Variants in SLC30A9 observed in about 807,000 individuals in gnomAD.
SLC30A9 encodes solute carrier family 30 member 9.
In SLC30A9, 58 loss-of-function variants were observed where a neutral mutation model predicts 87.5. The ratio of observed to expected loss-of-function variants is 0.66; its 90% CI spans 0.54 to 0.82. SLC30A9 has a LOEUF of 0.82. Ranked by LOEUF, SLC30A9 falls within the 40% of genes least tolerant of loss-of-function variation. The pLI, the probability that SLC30A9 is intolerant of heterozygous loss-of-function variation, is 0.00. For missense variants in SLC30A9, 557 were observed against 679.1 expected, an observed-to-expected ratio of 0.82 and a Z score of 2.00; for synonymous variants, 234 against 233.0, an observed-to-expected ratio of 1.00 and a Z score of -0.04.
At chr4:42,073,192 G>A (rs1057316884) in intron 15 of SLC30A9, among the ~76,000 whole-genome samples, 1 of 152,152 alleles carries the variant, frequency 6.6e-6, no homozygotes, top group African/African-American at 2.4e-5. Context: ...AAGTATCGAA[G>A]TCTCTAGTTA....
At chr4:42,043,981 C>T (rs1037786198) in intron 8 of SLC30A9, among the ~76,000 whole-genome samples, 5 of 151,748 alleles carry the variant, frequency 3.3e-5, no homozygotes, top group Admixed American at 2.0e-4. Context: ...GCTTCATAAG[C>T]GAAGGAGAAG....
intron 9 of SLC30A9, among the ~76,000 whole-genome samples, chr4:42,052,777 A>G (rs1031924602): frequency 6.6e-6 from 1 of 152,242 alleles, no homozygotes; most frequent in Non-Finnish European, 1.5e-5. Flanking sequence ...AACTATGAAG[A>G]TTCTAGAAGA....
At chr4:42,038,692 A>T (rs1716790217) in intron 7 of SLC30A9, among the ~76,000 whole-genome samples, 1 of 152,258 alleles carries the variant, frequency 6.6e-6, no homozygotes, top group Admixed American at 6.5e-5. Flanking sequence ...ATTTCAGCAC[A>T]GTGCATTTTT....
At chr4:42,043,335 G>T (rs900583887) in intron 8 of SLC30A9, among the ~76,000 whole-genome samples, 1 of 152,068 alleles carries the variant, frequency 6.6e-6, no homozygotes, top group Non-Finnish European at 1.5e-5. Context: ...AAAGGTAAGA[G>T]AAATTGCTAA....
intron 9 of SLC30A9, among the ~76,000 whole-genome samples, chr4:42,058,100 C>CAA (rs35993518): frequency 4.9e-4 from 54 of 109,748 alleles, no homozygotes; most frequent in African/African-American, 1.5e-3. Context: ...GACTTTGTCT[C>CAA]AAAAAAAAAA....
intron 6 of SLC30A9, among the ~76,000 whole-genome samples, chr4:42,033,187 A>G (rs1398493042): frequency 1.3e-5 from 2 of 152,188 alleles, no homozygotes; most frequent in African/African-American, 4.8e-5. Context: ...TTTTTATTTT[A>G]TAATTGCCTA....
chr4:42,086,116 A>G lies in SLC30A9; in HGVS notation c.1697A>G (p.Glu566Gly). Residue 566 changes from glutamate (E) to glycine (G), a missense_variant, in exon 18 of 18, where the codon GAG (glutamate) becomes GGG (glycine). By Grantham distance (98) the Glu-to-Gly change is moderately conservative (BLOSUM62 -2). Around this residue, in one of 2 missense-constraint regions of SLC30A9, gnomAD observed 90 missense variants for 149.4 expected, o/e 0.60. Transcript: ENST00000264451. ...RNPEVRHVDL[E>G]IL ...CCTGAAGTTCGACATGTAGATTTGGAGATACTGTGAGTTTGATGGAATGAA... is the reference window on the plus strand; with the variant it reads ...CCTGAAGTTCGACATGTAGATTTGGGGATACTGTGAGTTTGATGGAATGAA... 1 of 1,523,150 alleles carries G rather than the reference A, an allele frequency of 6.6e-7. No individual in the cohort carries two copies. The highest frequency in any genetic ancestry group is 8.9e-7 in the Non-Finnish European group (1 of 1,121,952). The allele number at this position is 1,523,150 out of a possible 1,614,324, so 94.4% of individuals were successfully genotyped here.
chr4:42,018,856 C>T (rs1331171931), intron 3 of SLC30A9, among the ~76,000 whole-genome samples: 2 of 151,968 alleles, frequency 1.3e-5, no homozygotes, highest in African/African-American at 4.8e-5. Flanking sequence ...TTATAGCAGC[C>T]ATCATTATCA....
chr4:42,076,840 T>C (rs1348959654), intron 16 of SLC30A9, among the ~76,000 whole-genome samples: 1 of 151,878 alleles, frequency 6.6e-6, no homozygotes, highest in Non-Finnish European at 1.5e-5. Flanking sequence ...TGCGTGCCTG[T>C]AGTCCCAGCT....
intron 8 of SLC30A9, among the ~76,000 whole-genome samples, chr4:42,048,771 A>G (rs1717269940): frequency 6.6e-6 from 1 of 152,154 alleles, no homozygotes; most frequent in African/African-American, 2.4e-5. Context: ...ATTTTCTTTT[A>G]CATTTTATCT....
At chr4:42,026,348 A>G (rs1029738498) in intron 6 of SLC30A9, among the ~76,000 whole-genome samples, 2 of 152,214 alleles carry the variant, frequency 1.3e-5, no homozygotes, top group African/African-American at 4.8e-5. Context: ...AGATATTGCC[A>G]GTGCAGTTAT....
chr4:42,004,709 G>C (rs1294976206), intron 2 of SLC30A9, among the ~76,000 whole-genome samples: 5 of 138,902 alleles, frequency 3.6e-5, no homozygotes, highest in African/African-American at 1.3e-4. Flanking sequence ...GCCCAGGCTA[G>C]AATGCAGTGG....
intron 14 of SLC30A9, among the ~76,000 whole-genome samples, 153 bp downstream of exon 14, chr4:42,067,345 G>A (rs1311120975): frequency 6.6e-6 from 1 of 152,096 alleles, no homozygotes; most frequent in Non-Finnish European, 1.5e-5. Flanking sequence ...AAGACATTTG[G>A]TCAGCAGAAG....
intron 5 of SLC30A9, 67 bp from the exon 6 acceptor site, chr4:42,023,235 G>T: frequency 9.5e-7 from 1 of 1,049,602 alleles, no homozygotes; most frequent in South Asian, 1.3e-5. Flanking sequence ...AGAGAATTTA[G>T]ATTTAAATGT....
intron 15 of SLC30A9, among the ~76,000 whole-genome samples, chr4:42,071,742 T>C (rs1028783840): frequency 6.6e-6 from 1 of 152,072 alleles, no homozygotes; most frequent in Non-Finnish European, 1.5e-5. Flanking sequence ...ATTAACATAA[T>C]GTGAGATAAT....
intron 8 of SLC30A9, among the ~76,000 whole-genome samples, chr4:42,042,402 A>C (rs377518024): frequency 2.2e-4 from 33 of 152,110 alleles, no homozygotes; most frequent in African/African-American, 7.7e-4. Context: ...GGGGACCACC[A>C]TTACTGAGGC....
intron 9 of SLC30A9, among the ~76,000 whole-genome samples, chr4:42,052,920 C>CT (rs1717439860): frequency 6.6e-6 from 1 of 152,130 alleles, no homozygotes; most frequent in African/African-American, 2.4e-5. Context: ...GAAAGACATC[C>CT]TTAAGGAAAT....
chr4:42,030,291 A>G (rs1267934180), intron 6 of SLC30A9, among the ~76,000 whole-genome samples: 1 of 152,230 alleles, frequency 6.6e-6, no homozygotes, highest in Admixed American at 6.5e-5. Flanking sequence ...TAATTAATGT[A>G]AACTAAAGTG....
At chr4:42,080,706 C>T (rs905276920) in intron 17 of SLC30A9, among the ~76,000 whole-genome samples, 1 of 152,192 alleles carries the variant, frequency 6.6e-6, no homozygotes, top group Non-Finnish European at 1.5e-5. Flanking sequence ...TTAGGCAGGA[C>T]ATGTCAAGGG....
Sources: allele counts gnomAD v4.1 joint callset (sites outside exome capture counted in the v4.1 genomes callset), GRCh38; gene constraint gnomAD v4.1.1; regional missense constraint gnomAD v4.1.1; transcripts MANE v1.5; gene names NCBI Gene and HGNC (gene_info 2026-07-23, HGNC 2026-07-21).